Variants in STAG1 observed in about 807,000 individuals in gnomAD.
The protein encoded by STAG1 is STAG1 cohesin complex component, also known as cohesin subunit SA-1.
A neutral mutation model predicts 170.9 loss-of-function variants in STAG1; 26 were observed. The observed-to-expected ratio is 0.15, with a 90% CI of 0.11 to 0.21. STAG1 has a LOEUF of 0.21. Ranked by LOEUF, STAG1 falls within the 10% of genes least tolerant of loss-of-function variation. The probability of loss-of-function intolerance (pLI) is 1.00; values close to 1 mark genes in which losing one functional copy is unlikely to be tolerated. For synonymous variants in STAG1, 514 were observed against 497.7 expected, an observed-to-expected ratio of 1.03 and a Z score of -0.44; for missense variants, 964 against 1,509.5, an observed-to-expected ratio of 0.64 and a Z score of 5.99.
chr3:136,411,667 A>C (rs941843179), intron 21 of STAG1, among the ~76,000 whole-genome samples: 1 of 152,048 alleles, frequency 6.6e-6, no homozygotes, highest in Non-Finnish European at 1.5e-5. Flanking sequence ...AATAATAATA[A>C]AGGTCAGGTG....
chr3:136,460,300 AC>A (rs1422432159), intron 13 of STAG1, among the ~76,000 whole-genome samples: 6 of 152,158 alleles, frequency 3.9e-5, no homozygotes, highest in Non-Finnish European at 7.4e-5. Flanking sequence ...ACATAAATGA[AC>A]CATAAAGAAA....
chr3:136,530,982 G>A (rs969053018), intron 6 of STAG1, among the ~76,000 whole-genome samples: 6 of 152,120 alleles, frequency 3.9e-5, no homozygotes, highest in African/African-American at 1.4e-4. Context: ...ATGGGCGCCT[G>A]TAATCCCAGA....
chr3:136,502,598 C>A (rs370696656), intron 8 of STAG1, 30 bp downstream of exon 8: 5 of 1,605,256 alleles, frequency 3.1e-6, no homozygotes, highest in Non-Finnish European at 4.3e-6. Context: ...ATTTACAGAA[C>A]ATAAAATCAT....
chr3:136,468,953 C>T (rs1375195199), intron 12 of STAG1, among the ~76,000 whole-genome samples: 1 of 152,172 alleles, frequency 6.6e-6, no homozygotes, highest in Non-Finnish European at 1.5e-5. Flanking sequence ...ATGCTAAAAA[C>T]TCTCAATACA....
At chr3:136,644,788 T>C (rs1940938557) in intron 1 of STAG1, among the ~76,000 whole-genome samples, 1 of 152,140 alleles carries the variant, frequency 6.6e-6, no homozygotes, top group Non-Finnish European at 1.5e-5. Flanking sequence ...CTGGCAGATC[T>C]CAGCATACTG....
chr3:136,572,811 T>A (rs1559885947), intron 4 of STAG1, among the ~76,000 whole-genome samples: 3 of 152,150 alleles, frequency 2.0e-5, no homozygotes, highest in Non-Finnish European at 4.4e-5. Flanking sequence ...ATATTGGTTA[T>A]TCATCCAGAA....
intron 22 of STAG1, among the ~76,000 whole-genome samples, chr3:136,384,871 A>C (rs1279743706): frequency 6.6e-6 from 1 of 152,192 alleles, no homozygotes; most frequent in Non-Finnish European, 1.5e-5. Flanking sequence ...ACTGAAAAAG[A>C]ATAATACAAG....
chr3:136,464,447 AATC>A (rs2089392432), intron 13 of STAG1, among the ~76,000 whole-genome samples: 1 of 152,052 alleles, frequency 6.6e-6, no homozygotes, highest in African/African-American at 2.4e-5. Context: ...AAAACAAAAA[AATC>A]ATCATAATGG....
chr3:136,654,488 C>G (rs923971197), intron 1 of STAG1, among the ~76,000 whole-genome samples: 28 of 152,130 alleles, frequency 1.8e-4, no homozygotes, highest in Admixed American at 2.0e-4. Context: ...ATTAAAGACA[C>G]AAATAAGTAA....
chr3:136,641,362 A>C (rs1940793639), intron 1 of STAG1, among the ~76,000 whole-genome samples: 1 of 152,208 alleles, frequency 6.6e-6, no homozygotes, highest in Non-Finnish European at 1.5e-5. Context: ...CCCCTGAGGA[A>C]ACTAATTATA....
intron 19 of STAG1, among the ~76,000 whole-genome samples, chr3:136,422,078 C>T (rs544629616): frequency 6.8e-5 from 10 of 146,276 alleles, no homozygotes; most frequent in Non-Finnish European, 1.0e-4. Context: ...ACCTGGGAGG[C>T]GGAGGTTGCG....
chr3:136,661,931 T>C (rs2107865930), intron 1 of STAG1, among the ~76,000 whole-genome samples: 1 of 152,332 alleles, frequency 6.6e-6, no homozygotes, highest in South Asian at 2.1e-4. Context: ...GTGGAACCAA[T>C]GATCTAACTC....
chr3:136,731,805 C>T (rs1172453214), intron 1 of STAG1, among the ~76,000 whole-genome samples: 1 of 152,132 alleles, frequency 6.6e-6, no homozygotes, highest in Non-Finnish European at 1.5e-5. Context: ...AAACACATGC[C>T]CACACCTGGC....
intron 5 of STAG1, among the ~76,000 whole-genome samples, chr3:136,546,070 T>C (rs1441143935): frequency 6.6e-6 from 1 of 152,164 alleles, no homozygotes; most frequent in Non-Finnish European, 1.5e-5. Context: ...ATTGTAGAGC[T>C]TGTTTGAGCC....
rs945175661 is a variant in STAG1 at position 136,489,255 on chromosome 3, G to A, written c.902+10968C>T. ...TGATCATTACAATGCATCCTTTTGG[G>A]GAGAACATAACCCTTTAATATGGTA... On this transcript the variant is annotated intron_variant, in intron 9 of 33. Transcript: ENST00000383202. Among the ~76,000 whole-genome samples the A allele has an allele frequency of 2.0e-5, 3 of 152,164 alleles. No individual in the cohort carries two copies. In the South Asian group the frequency reaches 6.2e-4, roughly 32 times the overall value.
chr3:136,462,336 T>C, intron 13 of STAG1, among the ~76,000 whole-genome samples: 1 of 152,148 alleles, frequency 6.6e-6, no homozygotes, highest in Non-Finnish European at 1.5e-5. Flanking sequence ...GTGGTATATA[T>C]ACACAATGGA....
intron 1 of STAG1, chr3:136,736,687 G>A (rs1023521671): frequency 1.1e-5 from 17 of 1,603,748 alleles, no homozygotes; most frequent in Non-Finnish European, 1.3e-5. Flanking sequence ...CCCCTTTGTC[G>A]TTTCCTTTCA....
intron 1 of STAG1, among the ~76,000 whole-genome samples, chr3:136,692,878 G>T (rs934182526): frequency 6.6e-6 from 1 of 152,140 alleles, no homozygotes; most frequent in Non-Finnish European, 1.5e-5. Context: ...GATCAATTTG[G>T]ATTTCAATTA....
intron 1 of STAG1, among the ~76,000 whole-genome samples, chr3:136,709,144 G>A (rs1166421684): frequency 6.6e-6 from 1 of 151,824 alleles, no homozygotes; most frequent in Non-Finnish European, 1.5e-5. Flanking sequence ...AAAAGAATTA[G>A]CTGGATGTGC....
Sources: allele counts gnomAD v4.1 joint callset (sites outside exome capture counted in the v4.1 genomes callset), GRCh38; gene constraint gnomAD v4.1.1; transcripts MANE v1.5; gene names NCBI Gene and HGNC (gene_info 2026-07-23, HGNC 2026-07-21).